Variants in PTPN13 observed in about 807,000 individuals in gnomAD.
PTPN13 encodes the protein tyrosine-protein phosphatase non-receptor type 13.
A neutral mutation model predicts 284.0 loss-of-function variants in PTPN13; 191 were observed. The observed-to-expected ratio is 0.67, with a 90% CI of 0.60 to 0.76. The LOEUF is 0.76. PTPN13 is among the 30% of genes least tolerant of loss of function. The pLI is 0.00. For synonymous variants in PTPN13, 986 were observed against 1,022.3 expected (o/e 0.96, Z 0.68); for missense variants, 2,797 against 2,939.9 (o/e 0.95, Z 1.12).
At chr4:86,738,399 A>T (rs1413981986) in intron 15 of PTPN13, among the ~76,000 whole-genome samples, 2 of 152,202 alleles carry the variant, frequency 1.3e-5, no homozygotes, top group African/African-American at 4.8e-5. Context: ...TCACTTTAAC[A>T]TTTGAAATAG....
chr4:86,685,229 T>G (rs1411737250), intron 3 of PTPN13, among the ~76,000 whole-genome samples: 1 of 152,172 alleles, frequency 6.6e-6, no homozygotes, highest in African/African-American at 2.4e-5. Flanking sequence ...GTCCTTTGAT[T>G]CAGCTTCCTT....
At position 86,755,710 on chromosome 4, in the gene PTPN13, G is replaced by A. The variant is rs2149222715; in HGVS notation, c.3224-2550G>A. On this transcript the variant is annotated intron_variant, in intron 20 of 47. Coordinates refer to ENST00000411767, the MANE Select transcript of PTPN13 (RefSeq NM_080683.3). ...ATAGTAACCACCTTATTGTAAAATA[G>A]GCTTTGTTTTAGATGATTTTGTCCA... 2.0e-5 allele frequency among the ~76,000 whole-genome samples: 3 copies of A among 152,098 alleles called. 1 individual carries two copies. The South Asian group carries it at 6.2e-4, about 31-fold the overall frequency.
At chr4:86,711,098 CT>C (rs58186398) in intron 7 of PTPN13, among the ~76,000 whole-genome samples, 1,045 of 97,110 alleles carry the variant, frequency 0.011, 16 homozygotes, top group African/African-American at 0.026. Flanking sequence ...TAATTATTGC[CT>C]TTTTTTTTTT....
intron 2 of PTPN13, among the ~76,000 whole-genome samples, chr4:86,641,022 A>G (rs1723725187): frequency 2.0e-5 from 3 of 152,178 alleles, no homozygotes; most frequent in Admixed American, 6.5e-5. Flanking sequence ...TATTTGGAGG[A>G]AACAAATGCT....
At chr4:86,731,295 A>G (rs1734931545) in intron 10 of PTPN13, among the ~76,000 whole-genome samples, 1 of 152,182 alleles carries the variant, frequency 6.6e-6, no homozygotes, top group Non-Finnish European at 1.5e-5. Flanking sequence ...TCTCCCACTC[A>G]GAGTCTAACT....
chr4:86,677,681 A>G (rs973515827), intron 3 of PTPN13, among the ~76,000 whole-genome samples: 2 of 150,988 alleles, frequency 1.3e-5, no homozygotes, highest in Non-Finnish European at 2.9e-5. Context: ...CAAGTCCTAG[A>G]GTTTTAATAG....
At chr4:86,755,144 A>G (rs1460469503) in intron 20 of PTPN13, among the ~76,000 whole-genome samples, 5 of 152,104 alleles carry the variant, frequency 3.3e-5, no homozygotes, top group Non-Finnish European at 1.5e-5. Flanking sequence ...AATGGACATC[A>G]GTTAATATTA....
chr4:86,734,973 T>A, intron 14 of PTPN13, 98 bp downstream of exon 14: 1 of 1,363,816 alleles, frequency 7.3e-7, no homozygotes, highest in African/African-American at 1.5e-5. Flanking sequence ...GATGTTTAGA[T>A]CTGAAGATTT....
At chr4:86,672,788 G>A (rs1377216253) in intron 3 of PTPN13, among the ~76,000 whole-genome samples, 2 of 152,126 alleles carry the variant, frequency 1.3e-5, no homozygotes, top group Non-Finnish European at 2.9e-5. Context: ...TTAAATACCT[G>A]CTTTGTATAA....
chr4:86,766,592 T>C lies in PTPN13; in HGVS notation c.4329+75T>C, dbSNP rs150846478. The stretch of plus-strand genomic sequence containing the variant: ...AATGTGTGAATAACATCAGTTCTCA[T>C]TGAGATCTCTAAATTTGTCAGCTAA... On this transcript the variant is annotated intron_variant, in intron 27 of 47. Transcript: ENST00000411767. 7.7e-4 allele frequency: 814 copies of C among 1,058,900 alleles called. 3 individuals carry two copies. The African/African-American group carries it at 0.012, about 16-fold the overall frequency. The allele number at this position is 1,058,900 out of a possible 1,614,324, so 65.6% of individuals were successfully genotyped here.
At chr4:86,705,656 A>C (rs1731680683) in intron 7 of PTPN13, among the ~76,000 whole-genome samples, 1 of 152,196 alleles carries the variant, frequency 6.6e-6, no homozygotes, top group African/African-American at 2.4e-5. Context: ...TAGAATTAGA[A>C]GAGGTCTTAG....
Position 86,686,736 on chromosome 4 carries a change from A to G in PTPN13, c.321A>G (p.Thr107=). ...TCCACATTTATTCTCTTGGAATGAC[A>G]CTGTATTGGGGGGCTGATTATGAAG... is the stretch of plus-strand genomic sequence containing the variant. ...EKIHIYSLGM[T]LYWGADYEVP... Residue 107 remains threonine (T), a synonymous_variant, in exon 4 of 48, where the codon ACA becomes ACG. Coordinates refer to ENST00000411767, the MANE Select transcript of PTPN13 (RefSeq NM_080683.3). 1 of 1,579,116 alleles carries G rather than the reference A, an allele frequency of 6.3e-7. No homozygotes were observed. The highest frequency in any genetic ancestry group is 1.2e-5 in the South Asian group (1 of 84,672).
intron 1 of PTPN13, among the ~76,000 whole-genome samples, chr4:86,634,450 C>T (rs945112560): frequency 6.6e-6 from 1 of 152,152 alleles, no homozygotes; most frequent in Non-Finnish European, 1.5e-5. Flanking sequence ...AGTATATCAT[C>T]ACTTAACTGA....
At position 86,767,862 on chromosome 4, in the gene PTPN13, G is replaced by T; in HGVS notation, c.4375G>T (p.Glu1459Ter). Residue 1459 changes from glutamate (E) to a stop codon, truncating the protein, a stop_gained, in exon 28 of 48, where the codon GAA becomes TAA. Coordinates refer to ENST00000411767, the MANE Select transcript of PTPN13 (RefSeq NM_080683.3). LOFTEE classifies it high-confidence loss of function. ...AAAGGGACAATCTCCAACATCTAAA[G>T]AACATGTCCCGGTAACCCCACAGTG... is the stretch of plus-strand genomic sequence containing the variant. The part of the protein sequence containing the change: ...LEKGQSPTSK[E>*]HVPVTPQCTL... 3 of 1,603,568 alleles carry T rather than the reference G, an allele frequency of 1.9e-6. No homozygotes were observed. The highest frequency in any genetic ancestry group is 2.6e-6 in the Non-Finnish European group (3 of 1,174,154).
intron 47 of PTPN13, among the ~76,000 whole-genome samples, chr4:86,814,000 C>CTTTTTTT (rs535405150): frequency 3.0e-5 from 3 of 100,044 alleles, no homozygotes; most frequent in East Asian, 2.7e-4. Context: ...TACCCTGCTT[C>CTTTTTTT]TTTTTTTTTT....
At chr4:86,737,230 C>G (rs62308420) in intron 15 of PTPN13, among the ~76,000 whole-genome samples, 1 of 146,718 alleles carries the variant, frequency 6.8e-6, no homozygotes, top group East Asian at 2.0e-4. Context: ...AGAACAAGAC[C>G]CCATCTCAAA....
intron 44 of PTPN13, among the ~76,000 whole-genome samples, chr4:86,806,756 T>A (rs981148360): frequency 7.2e-5 from 11 of 152,178 alleles, no homozygotes; most frequent in Admixed American, 7.2e-4. Context: ...AGTTTGGTAA[T>A]CACAGTAATT....
At chr4:86,655,149 T>C (rs1010361556) in intron 2 of PTPN13, among the ~76,000 whole-genome samples, 34 of 152,184 alleles carry the variant, frequency 2.2e-4, no homozygotes, top group Non-Finnish European at 5.9e-5. Flanking sequence ...GCACATGAGA[T>C]GGGTCTCCTG....
intron 40 of PTPN13, among the ~76,000 whole-genome samples, chr4:86,796,001 C>A (rs903143049): frequency 3.3e-5 from 5 of 152,066 alleles, no homozygotes; most frequent in Admixed American, 1.3e-4. Context: ...AACAAACCTG[C>A]ATGTTGTGCA....
Sources: allele counts gnomAD v4.1 joint callset (sites outside exome capture counted in the v4.1 genomes callset), GRCh38; gene constraint gnomAD v4.1.1; transcripts MANE v1.5; gene names NCBI Gene and HGNC (gene_info 2026-07-23, HGNC 2026-07-21).